PLRG1: variants seen among roughly 807,000 people sequenced by gnomAD.
PLRG1 encodes the protein pleiotropic regulator 1 (PRL1 homolog, Arabidopsis).
Under a neutral mutation model 74.9 loss-of-function variants are expected in PLRG1, and 28 were observed. The observed-to-expected ratio is 0.37, with a 90% CI of 0.28 to 0.51. PLRG1 has a LOEUF of 0.51. Among genes scored for constraint, PLRG1 ranks in the 20% least tolerant of loss-of-function variants. The pLI is 0.91. For synonymous variants in PLRG1, 197 were observed against 212.4 expected (o/e 0.93, Z 0.63); for missense variants, 445 against 631.9 (o/e 0.70, Z 3.17).
chr4:154,538,577 G>A (rs1319890712), intron 12 of PLRG1, among the ~76,000 whole-genome samples: 1 of 151,752 alleles, frequency 6.6e-6, no homozygotes, highest in Non-Finnish European at 1.5e-5. Context: ...AAAAGGGTAT[G>A]GAGAGTAGAA....
chr4:154,545,835 C>T lies in PLRG1; in HGVS notation c.492+1G>A. On this transcript the variant is annotated splice_donor_variant, in intron 6 of 14. Coordinates refer to ENST00000499023, the MANE Select transcript of PLRG1 (RefSeq NM_002669.4). LOFTEE classifies it high-confidence loss of function. ...CTGCTATTTGATGCAGAAAAACTTA[C>T]TGAATTCATCGCTGTAGGCTGTGGA... 6.3e-7 allele frequency: 1 copy of T among 1,584,434 alleles called. No homozygotes were observed. The highest frequency in any genetic ancestry group is 8.6e-7 in the Non-Finnish European group (1 of 1,157,778).
intron 14 of PLRG1, 144 bp downstream of exon 14, chr4:154,537,142 T>C (rs1229355132): frequency 3.7e-6 from 2 of 535,100 alleles, no homozygotes; most frequent in Non-Finnish European, 6.4e-6. Context: ...TGAAACAATA[T>C]AGAAATATAT....
rs1391395325 is a variant in PLRG1, at chr4:154,535,488, A to G, written c.*1197T>C. ...TACATTCCTAAAGGCTGTGACAATT[A>G]TACTCCCACCTATGGCATACAAGAT... On this transcript the variant is annotated 3_prime_UTR_variant, in exon 15 of 15. Transcript: ENST00000499023. The G allele has an allele frequency of 6.6e-6, 1 of 150,662 alleles. No homozygotes were observed. The highest frequency in any genetic ancestry group is 1.5e-5 in the Non-Finnish European group (1 of 67,720). 9.3% of individuals were successfully genotyped at this position (150,662 alleles called of 1,614,324 possible).
At position 154,547,728 on chromosome 4, in the gene PLRG1, T is replaced by C. The variant is rs1337488557; in HGVS notation, c.242A>G (p.Gln81Arg). ...ATACTCACCTTGATTGGCAGGGTAC[T>C]GTTTATGAACATATGAATCCGTTGC... ...QNATDSYVHKQYPANQGQEVE... is the reference protein window; with the variant it reads ...QNATDSYVHKRYPANQGQEVE... The change falls in exon 3 of 15, where the codon CAG (glutamine) becomes CGG (arginine). Residue 81 changes from glutamine (Q) to arginine (R), a missense_variant. Physicochemically the swap from Gln to Arg is conservative, Grantham distance 43. This residue lies in a region of PLRG1 where 206 missense variants were observed against 210.8 expected (regional missense o/e 0.98). Coordinates refer to ENST00000499023, the MANE Select transcript of PLRG1 (RefSeq NM_002669.4). 1.2e-6 allele frequency: 2 copies of C among 1,612,802 alleles called. No homozygotes were observed. The highest frequency in any genetic ancestry group is 1.7e-5 in the Admixed American group (1 of 59,944).
chr4:154,549,147 C>G, intron 1 of PLRG1: 1 of 550,922 alleles, frequency 1.8e-6, no homozygotes. Flanking sequence ...CTGAGTGATG[C>G]CGGAGTTTAA....
Position 154,535,246 on chromosome 4 carries a change from A to C in PLRG1, c.*1439T>G, listed in dbSNP as rs1276460565. On this transcript the variant is annotated 3_prime_UTR_variant, in exon 15 of 15. Transcript: ENST00000499023. ...TGCCCTAATAATCCAGACATTCCTC[A>C]CTCTCTTAACGAATACTTAGAAACA... 6.6e-6 allele frequency: 1 copy of C among 151,598 alleles called. No individual in the cohort carries two copies. Among genetic ancestry groups the C allele is most frequent in the East Asian group, 1.9e-4 (1 of 5,164 alleles). The allele number at this position is 151,598 out of a possible 1,614,324, so 9.4% of individuals were successfully genotyped here.
intron 7 of PLRG1, 125 bp downstream of exon 7, chr4:154,544,320 T>A (rs779735702): frequency 2.4e-4 from 155 of 638,878 alleles, no homozygotes; most frequent in Middle Eastern, 1.1e-3. Flanking sequence ...CTCTTCTCAA[T>A]CCACCTCAGA....
chr4:154,547,001 G>C lies in PLRG1; in HGVS notation c.313+10C>G. 2.5e-6 allele frequency: 4 copies of C among 1,579,328 alleles called. No individual in the cohort carries two copies. The highest frequency in any genetic ancestry group is 3.5e-6 in the Non-Finnish European group (4 of 1,148,662). On this transcript the variant is annotated intron_variant, in intron 4 of 14. Coordinates refer to ENST00000499023, the MANE Select transcript of PLRG1 (RefSeq NM_002669.4). Reference sequence around the variant, plus strand: ...TTTAAGACATTTTCAATATATAACAGCTCACTAACCAGGTCCTGGTGGGTA... The same window carrying C: ...TTTAAGACATTTTCAATATATAACACCTCACTAACCAGGTCCTGGTGGGTA...
In PLRG1 at chr4:154,539,971, G is replaced by A; in HGVS notation, c.1022C>T (p.Ala341Val). 1 of 1,571,896 alleles carries A rather than the reference G, an allele frequency of 6.4e-7. No homozygotes were observed. The highest frequency in any genetic ancestry group is 1.1e-5 in the South Asian group (1 of 90,280). Residue 341 changes from alanine to valine, a missense_variant, in exon 11 of 15, where the codon GCA (alanine) becomes GTA (valine). Ala to Val is a moderately conservative substitution (Grantham distance 64, BLOSUM62 0). Coordinates refer to ENST00000499023, the MANE Select transcript of PLRG1 (RefSeq NM_002669.4). Reference protein sequence around the residue: ...NAVATVRCQAAEPQIITGSHD... With the variant: ...NAVATVRCQAVEPQIITGSHD... The stretch of plus-strand genomic sequence containing the variant: ...CATACCTGTAATAATTTGTGGTTCT[G>A]CAGCCTGACATCTCACTGTAGCAAC...
At position 154,537,365 on chromosome 4, in the gene PLRG1, G is replaced by C. The variant is rs1309550093; in HGVS notation, c.1406C>G (p.Ala469Gly). The change falls in exon 14 of 15, where the codon GCT (alanine) becomes GGT (glycine). Residue 469 changes from alanine (A) to glycine (G), a missense_variant. Physicochemically the swap from Ala to Gly is moderately conservative, Grantham distance 60. This residue lies in a region of PLRG1 where 221 missense variants were observed against 377.7 expected (regional missense o/e 0.59). Coordinates refer to ENST00000499023, the MANE Select transcript of PLRG1 (RefSeq NM_002669.4). ...TAATCGACTTTCAGACTGATCAAAA[G>C]CACAAGCAAATATTCCTGATTCACT... ...LDSESGIFACAFDQSESRLLT... is the reference protein window; with the variant it reads ...LDSESGIFACGFDQSESRLLT... 2 of 1,613,078 alleles carry C rather than the reference G, an allele frequency of 1.2e-6. No individual in the cohort carries two copies. The highest frequency in any genetic ancestry group is 1.3e-5 in the African/African-American group (1 of 74,864).
At chr4:154,546,556 C>T (rs570447326) in intron 4 of PLRG1, 23 of 299,182 alleles carry the variant, frequency 7.7e-5, no homozygotes, top group Admixed American at 6.2e-4. Context: ...ATGTAACTTA[C>T]TAAAACTAGA....
At position 154,544,664 on chromosome 4, in the gene PLRG1, G is replaced by A. The variant is rs574907309; in HGVS notation, c.493-118C>T. ...ACAAAAGAATTTTTCCATAAATGAA[G>A]AAATACAATTTTCTGTATGTTAACT... On this transcript the variant is annotated intron_variant, in intron 6 of 14. Coordinates refer to ENST00000499023, the MANE Select transcript of PLRG1 (RefSeq NM_002669.4). 4.4e-5 allele frequency: 27 copies of A among 614,328 alleles called. No homozygotes were observed. In the African/African-American group the frequency reaches 4.7e-4, roughly 11 times the overall value. 38.1% of individuals were successfully genotyped at this position (614,328 alleles called of 1,614,324 possible). A position where few individuals can be genotyped will look rare whatever the true frequency, so the allele number is the denominator to read the frequency against.
At chr4:154,539,011 A>G in intron 12 of PLRG1, 94 bp downstream of exon 12, 10 of 768,326 alleles carry the variant, frequency 1.3e-5, no homozygotes, top group Non-Finnish European at 2.3e-5. Flanking sequence ...CAGCAGCTAA[A>G]TGACTGCCAA....
At chr4:154,546,829 T>C (rs935668765) in intron 4 of PLRG1, 182 bp downstream of exon 4, 11 of 591,254 alleles carry the variant, frequency 1.9e-5, no homozygotes, top group Non-Finnish European at 2.8e-5. Flanking sequence ...TTATACGTAC[T>C]TAAGAATGTT....
chr4:154,545,957 T>C (rs1432052317), intron 5 of PLRG1, 34 bp from the exon 6 acceptor site: 1 of 1,387,350 alleles, frequency 7.2e-7, no homozygotes, highest in South Asian at 1.2e-5. Context: ...TCAAAGTAAT[T>C]AATGCCTCCA....
chr4:154,550,361 C>G lies in PLRG1; in HGVS notation c.-53G>C. On this transcript the variant is annotated 5_prime_UTR_variant, in exon 1 of 15. Coordinates refer to ENST00000499023, the MANE Select transcript of PLRG1 (RefSeq NM_002669.4). ...AGGGAAGAAACTCTAATCACTAACG[C>G]AGTACCCGCCGCCACAGCTGTGCAG... 1.9e-6 allele frequency: 3 copies of G among 1,565,548 alleles called. No individual in the cohort carries two copies. Among genetic ancestry groups the G allele is most frequent in the Admixed American group, 3.3e-5 (2 of 59,992 alleles).
chr4:154,546,533 T>C (rs1353607356), intron 4 of PLRG1: 2 of 318,294 alleles, frequency 6.3e-6, no homozygotes, highest in African/African-American at 2.2e-5. Flanking sequence ...TAACAGAATG[T>C]TTCCAAGAGT....
intron 2 of PLRG1, 96 bp downstream of exon 2, chr4:154,548,733 C>T (rs776393253): frequency 1.1e-5 from 7 of 663,966 alleles, no homozygotes; most frequent in Non-Finnish European, 1.9e-5. Context: ...TAGCCCATGA[C>T]TAGCTTATCT....
At chr4:154,547,595 T>C (rs1358444150) in intron 3 of PLRG1, 116 bp downstream of exon 3, 4 of 877,464 alleles carry the variant, frequency 4.6e-6, no homozygotes, top group Admixed American at 4.4e-5. Flanking sequence ...GGTACGGCCA[T>C]TAAATACTGT....
Sources: allele counts gnomAD v4.1 joint callset (sites outside exome capture counted in the v4.1 genomes callset), GRCh38; gene constraint gnomAD v4.1.1; regional missense constraint gnomAD v4.1.1; transcripts MANE v1.5; gene names NCBI Gene and HGNC (gene_info 2026-07-23, HGNC 2026-07-21).